EMC10: variants seen among roughly 807,000 people sequenced by gnomAD.
The protein encoded by EMC10 is ER membrane protein complex subunit 10.
In EMC10, 40 loss-of-function variants were observed where a neutral mutation model predicts 32.2. That is an observed-to-expected ratio of 1.24 (90% CI 0.96 to 1.61). The LOEUF (loss-of-function observed/expected upper bound fraction) is 1.61, where lower values mean the gene tolerates loss of function less well. Among genes scored for constraint, EMC10 ranks in the 40% most tolerant of loss-of-function variants. The pLI is 0.00. For synonymous variants in EMC10, 178 were observed against 158.4 expected (o/e 1.12, Z -0.93); for missense variants, 402 against 357.7 (o/e 1.12, Z -1.00).
At chr19:50,476,797 C>A in intron 1 of EMC10, 139 bp downstream of exon 1, 1 of 587,914 alleles carries the variant, frequency 1.7e-6, no homozygotes, top group Admixed American at 3.6e-5. Flanking sequence ...AGCCAGGCCT[C>A]AGTCACGCAC....
intron 6 of EMC10, chr19:50,481,658 T>C (rs2040320940): frequency 7.0e-6 from 4 of 571,654 alleles, no homozygotes; most frequent in Non-Finnish European, 1.2e-5. Flanking sequence ...TGAGCCCTGC[T>C]GTGCTGAGTG....
Position 50,487,136 on chromosome 19 carries a change from C to CT in EMC10, c.*4878dup, listed in dbSNP as rs1427788497. On this transcript the variant is annotated 3_prime_UTR_variant, in exon 7 of 7. Coordinates refer to ENST00000334976, the MANE Select transcript of EMC10 (RefSeq NM_206538.4). ...GCAAGGTCGGGTTCCCTCGAAGTCT[C>CT]TGTCTTAGCAGTTGCTGGTCTTCAG... 6.6e-6 allele frequency: 1 copy of CT among 152,198 alleles called. No individual in the cohort carries two copies. Among genetic ancestry groups the CT allele is most frequent in the Non-Finnish European group, 1.5e-5 (1 of 68,056 alleles). 9.4% of individuals were successfully genotyped at this position (152,198 alleles called of 1,614,324 possible).
chr19:50,482,017 C>A lies in EMC10; in HGVS notation c.679-132C>A. 3 of 1,579,764 alleles carry A rather than the reference C, an allele frequency of 1.9e-6. No individual in the cohort carries two copies. In the South Asian group the frequency reaches 3.3e-5, roughly 17 times the overall value. ...CCCTGACCTGTAGTGACGTAGGGGA[C>A]CTGGGCGCCCTCCCCTTACGCGACC... On this transcript the variant is annotated intron_variant, in intron 6 of 6. Transcript: ENST00000334976.
chr19:50,483,029 G>A lies in EMC10; in HGVS notation c.*770G>A, dbSNP rs1205245181. The A allele has an allele frequency of 1.1e-5, 6 of 554,826 alleles. No homozygotes were observed. Among genetic ancestry groups the A allele is most frequent in the Non-Finnish European group, 1.7e-5 (5 of 292,752 alleles). 34.4% of individuals were successfully genotyped at this position (554,826 alleles called of 1,614,324 possible). A position where few individuals can be genotyped will look rare whatever the true frequency, so the allele number is the denominator to read the frequency against. On this transcript the variant is annotated 3_prime_UTR_variant, in exon 7 of 7. Transcript: ENST00000334976. ...AATAGAACCCCCTCCACCACCCCCC[G>A]CCGCCCAGCATCCTACCTGGACTGC...
chr19:50,481,218 G>A, intron 6 of EMC10: 1 of 482,444 alleles, frequency 2.1e-6, no homozygotes, highest in African/African-American at 2.0e-5. Flanking sequence ...CTCGGCCTGA[G>A]CTAGGTTGGA....
chr19:50,485,905 G>T lies in EMC10; in HGVS notation c.*3646G>T, dbSNP rs73587106. 0.041 allele frequency: 6,217 copies of T among 152,094 alleles called. 330 individuals are homozygous for T. Among genetic ancestry groups the T allele is most frequent in the African/African-American group, 0.12 (5,026 of 41,368 alleles). The allele number at this position is 152,094 out of a possible 1,614,324, so 9.4% of individuals were successfully genotyped here. On this transcript the variant is annotated 3_prime_UTR_variant, in exon 7 of 7. Transcript: ENST00000334976. Reference sequence around the variant, plus strand: ...CCTCCTGGACCCTCATCCTAGCCTCGTGACTTCTGGTCTAAGATGTGAGAG... The same window carrying T: ...CCTCCTGGACCCTCATCCTAGCCTCTTGACTTCTGGTCTAAGATGTGAGAG...
At position 50,489,014 on chromosome 19, in the gene EMC10, GGA is replaced by G. The variant is rs1491538852; in HGVS notation, c.*6762_*6763del. ...GAGGGAGATGGAGCGGTGCGGAGGG[GGA>G]GAGAGAAAGAGGGAGGGAAGGAGGG... On this transcript the variant is annotated 3_prime_UTR_variant, in exon 7 of 7. Transcript: ENST00000334976. The G allele has an allele frequency of 6.8e-6, 1 of 147,802 alleles. No homozygotes were observed. Among genetic ancestry groups the G allele is most frequent in the Non-Finnish European group, 1.5e-5 (1 of 67,374 alleles). 9.2% of individuals were successfully genotyped at this position (147,802 alleles called of 1,614,324 possible).
chr19:50,479,130 C>A, intron 3 of EMC10, 64 bp downstream of exon 3: 2 of 1,311,030 alleles, frequency 1.5e-6, no homozygotes, highest in Non-Finnish European at 2.1e-6. Flanking sequence ...GTCTCTTCAG[C>A]CACCCCCTGC....
Position 50,479,042 on chromosome 19 carries a change from C to CGAG in EMC10, c.280_282dup (p.Glu94dup). 6.2e-7 allele frequency: 1 copy of CGAG among 1,608,032 alleles called. No homozygotes were observed. Among genetic ancestry groups the CGAG allele is most frequent in the South Asian group, 1.1e-5 (1 of 90,056 alleles). On this transcript the variant is annotated inframe_insertion, in exon 3 of 7. Coordinates refer to ENST00000334976, the MANE Select transcript of EMC10 (RefSeq NM_206538.4). Reference sequence around the variant, plus strand: ...TGTCCCTGTCACAGCGGCAGCTCAGCGAGGAGGAGCGGGGCCGACTCCGGG... The same window carrying CGAG: ...TGTCCCTGTCACAGCGGCAGCTCAGCGAGGAGGAGGAGCGGGGCCGACTCCGGG...
rs1978366852 is a variant in EMC10 at position 50,486,628 on chromosome 19, GAAAC to G, written c.*4374_*4377del. 6.6e-6 allele frequency: 1 copy of G among 152,080 alleles called. No homozygotes were observed. Among genetic ancestry groups the G allele is most frequent in the Non-Finnish European group, 1.5e-5 (1 of 68,020 alleles). The allele number at this position is 152,080 out of a possible 1,614,324, so 9.4% of individuals were successfully genotyped here. A position where few individuals can be genotyped will look rare whatever the true frequency, so the allele number is the denominator to read the frequency against. The stretch of plus-strand genomic sequence containing the variant: ...AAGGCACAACAATGTTGTTACAAAG[GAAAC>G]AAACTCAATTTGGCCCATTTCCTGG... On this transcript the variant is annotated 3_prime_UTR_variant, in exon 7 of 7. Coordinates refer to ENST00000334976, the MANE Select transcript of EMC10 (RefSeq NM_206538.4).
chr19:50,481,038 C>T, intron 6 of EMC10, 61 bp downstream of exon 6: 2 of 1,364,686 alleles, frequency 1.5e-6, no homozygotes, highest in Non-Finnish European at 2.1e-6. Flanking sequence ...CCTGGCCAGG[C>T]CCTCCATGCT....
Position 50,482,211 on chromosome 19 carries a change from C to T in EMC10, c.741C>T (p.Gly247=). Residue 247 remains glycine (G), a synonymous_variant, in exon 7 of 7, where the codon GGC becomes GGT. Transcript: ENST00000334976. ...TGTCAGGAGCGCCAGACACCGGGGG[C>T]CAGGGTGGGGGTGGGGGTGGGGGTG... ...LMMSGAPDTG[G]QGGGGGGGGG... is the part of the protein sequence containing the mutation. 1 of 1,008,368 alleles carries T rather than the reference C, an allele frequency of 9.9e-7. No individual in the cohort carries two copies. The highest frequency in any genetic ancestry group is 1.4e-6 in the Non-Finnish European group (1 of 727,320). The allele number at this position is 1,008,368 out of a possible 1,614,324, so 62.5% of individuals were successfully genotyped here.
intron 2 of EMC10, among the ~76,000 whole-genome samples, chr19:50,478,317 C>T (rs2040262748): frequency 6.6e-6 from 1 of 152,246 alleles, no homozygotes; most frequent in Non-Finnish European, 1.5e-5. Context: ...GTCCTCACAG[C>T]AGCCATGTGA....
chr19:50,476,844 G>A (rs1201539138), intron 1 of EMC10, 186 bp downstream of exon 1: 23 of 500,404 alleles, frequency 4.6e-5, no homozygotes, highest in Non-Finnish European at 2.8e-5. Context: ...CGGGTTGCAA[G>A]GACTGGGTGG....
At position 50,482,443 on chromosome 19, in the gene EMC10, G is replaced by A. The variant is rs1180578633; in HGVS notation, c.*184G>A. On this transcript the variant is annotated 3_prime_UTR_variant, in exon 7 of 7. Transcript: ENST00000334976. ...GCTGGCAGAGGAGCAGCTGGACTGG[G>A]GCCTTTGGCACAGCAGCCGGTGTCT... 3.4e-6 allele frequency: 2 copies of A among 590,964 alleles called. No homozygotes were observed. The highest frequency in any genetic ancestry group is 2.9e-5 in the East Asian group (1 of 34,618). 36.6% of individuals were successfully genotyped at this position (590,964 alleles called of 1,614,324 possible).
At position 50,485,377 on chromosome 19, in the gene EMC10, C is replaced by G. The variant is rs1275712732; in HGVS notation, c.*3118C>G. 6.6e-6 allele frequency: 1 copy of G among 152,256 alleles called. No individual in the cohort carries two copies. The highest frequency in any genetic ancestry group is 1.5e-5 in the Non-Finnish European group (1 of 68,106). 9.4% of individuals were successfully genotyped at this position (152,256 alleles called of 1,614,324 possible). ...CCCCTGATCTCCAGACTCATGGCCC[C>G]AGCTGCCTCCTGGGCTCCTTCCCCA... On this transcript the variant is annotated 3_prime_UTR_variant, in exon 7 of 7. Transcript: ENST00000334976.
In EMC10 at chr19:50,482,202, C is replaced by A; in HGVS notation, c.732C>A (p.Asp244Glu). ...TCCTCATGATGTCAGGAGCGCCAGA[C>A]ACCGGGGGCCAGGGTGGGGGTGGGG... ...VLFLMMSGAP[D>E]TGGQGGGGGG... is the part of the protein sequence containing the mutation. The change falls in exon 7 of 7, where the codon GAC becomes GAA. Residue 244 changes from aspartate to glutamate, a missense_variant. Transcript: ENST00000334976. The A allele has an allele frequency of 6.6e-7, 1 of 1,509,474 alleles. No individual in the cohort carries two copies. Among genetic ancestry groups the A allele is most frequent in the Non-Finnish European group, 9.1e-7 (1 of 1,094,718 alleles). The allele number at this position is 1,509,474 out of a possible 1,614,324, so 93.5% of individuals were successfully genotyped here. A position where few individuals can be genotyped will look rare whatever the true frequency, so the allele number is the denominator to read the frequency against.
At chr19:50,478,869 C>T (rs1464544395) in intron 2 of EMC10, 88 bp from the exon 3 acceptor site, 2 of 1,062,156 alleles carry the variant, frequency 1.9e-6, no homozygotes, top group Admixed American at 4.3e-5. Context: ...GGAGGCCAGG[C>T]CAAAATTTGA....
intron 1 of EMC10, 78 bp downstream of exon 1, chr19:50,476,736 C>G: frequency 1.1e-6 from 1 of 901,324 alleles, no homozygotes; most frequent in Non-Finnish European, 1.6e-6. Context: ...GAGTTACAGA[C>G]GGAAGGAGGC....
Sources: allele counts gnomAD v4.1 joint callset (sites outside exome capture counted in the v4.1 genomes callset), GRCh38; gene constraint gnomAD v4.1.1; transcripts MANE v1.5; gene names NCBI Gene and HGNC (gene_info 2026-07-23, HGNC 2026-07-21).